BMPER: variants seen among roughly 807,000 people sequenced by gnomAD.
The protein encoded by BMPER is BMP binding endothelial regulator.
In BMPER, 45 loss-of-function variants were observed where a neutral mutation model predicts 87.3. That is an observed-to-expected ratio of 0.52 (90% CI 0.41 to 0.66). The LOEUF (loss-of-function observed/expected upper bound fraction) is 0.66, where lower values mean the gene tolerates loss of function less well. Among genes scored for constraint, BMPER ranks in the 30% least tolerant of loss-of-function variants. BMPER has a pLI of 0.00. For synonymous variants in BMPER, 326 were observed against 316.2 expected (o/e 1.03, Z -0.33); for missense variants, 784 against 867.5 (o/e 0.90, Z 1.21).
chr7:34,128,459 G>T (rs970510693), intron 13 of BMPER, among the ~76,000 whole-genome samples: 4 of 152,136 alleles, frequency 2.6e-5, no homozygotes, highest in African/African-American at 7.2e-5. Flanking sequence ...TGGCACAGTT[G>T]CTTGCCAAGT....
At chr7:33,958,527 C>T (rs1207388868) in intron 3 of BMPER, among the ~76,000 whole-genome samples, 1 of 152,188 alleles carries the variant, frequency 6.6e-6, no homozygotes, top group Non-Finnish European at 1.5e-5. Flanking sequence ...ACCGCTGGAA[C>T]ATCCTTTTAA....
chr7:34,005,883 C>G (rs889711901), intron 6 of BMPER, among the ~76,000 whole-genome samples: 2 of 151,928 alleles, frequency 1.3e-5, no homozygotes, highest in African/African-American at 4.8e-5. Flanking sequence ...GAGGTTAAAT[C>G]TTTCCTTGTG....
At chr7:34,148,604 G>T (rs1791089631) in intron 14 of BMPER, among the ~76,000 whole-genome samples, 1 of 152,156 alleles carries the variant, frequency 6.6e-6, no homozygotes, top group Admixed American at 6.5e-5. Context: ...AAGAGAGAGA[G>T]ATTTCTTTTT....
intron 6 of BMPER, among the ~76,000 whole-genome samples, chr7:34,029,366 T>G (rs1401722883): frequency 3.3e-5 from 5 of 151,936 alleles, no homozygotes; most frequent in Non-Finnish European, 7.4e-5. Flanking sequence ...GAGATGGGAG[T>G]GAAATTCATG....
At chr7:34,022,627 A>AG (rs1369258097) in intron 6 of BMPER, among the ~76,000 whole-genome samples, 4 of 150,678 alleles carry the variant, frequency 2.7e-5, no homozygotes, top group African/African-American at 9.8e-5. Flanking sequence ...GGAATAAGAA[A>AG]GGGCCTGCGA....
intron 4 of BMPER, among the ~76,000 whole-genome samples, chr7:33,969,501 A>G (rs1047499880): frequency 6.6e-6 from 1 of 152,104 alleles, no homozygotes; most frequent in African/African-American, 2.4e-5. Flanking sequence ...CTGGGTTCAC[A>G]CCATTCTCCT....
chr7:34,065,022 T>C (rs956591427), intron 11 of BMPER, among the ~76,000 whole-genome samples: 4 of 152,236 alleles, frequency 2.6e-5, no homozygotes, highest in Non-Finnish European at 4.4e-5. Flanking sequence ...GGGCACATTT[T>C]TTCCTCCTTT....
chr7:34,149,636 G>A (rs207467770), intron 14 of BMPER, among the ~76,000 whole-genome samples: 1 of 143,332 alleles, frequency 7.0e-6, no homozygotes, highest in Non-Finnish European at 1.5e-5. Context: ...AAAGAAACCC[G>A]AGAGAGAGAG....
chr7:34,085,999 A>T lies in BMPER; in HGVS notation c.1652A>T (p.Lys551Met), dbSNP rs1403192060. 1 of 1,614,144 alleles carries T rather than the reference A, an allele frequency of 6.2e-7. No homozygotes were observed. Among genetic ancestry groups the T allele is most frequent in the Non-Finnish European group, 8.5e-7 (1 of 1,180,026 alleles). The change falls in exon 13 of 15, where the codon AAG becomes ATG. Residue 551 changes from lysine (K) to methionine (M), a missense_variant. Physicochemically the swap from Lys to Met is moderately conservative, Grantham distance 95. Transcript: ENST00000649409. Reference protein sequence around the residue: ...PVPELCQGTVKVKLRAHRECQ... With the variant: ...PVPELCQGTVMVKLRAHRECQ... ...CCTGAACTGTGTCAAGGGACAGTCA[A>T]GGTAAAGCTCCGGGCCCATCGAGAA...
At chr7:34,117,963 T>C (rs73690165) in intron 13 of BMPER, among the ~76,000 whole-genome samples, 2,087 of 152,338 alleles carry the variant, frequency 0.014, 45 homozygotes, top group African/African-American at 0.049. Context: ...TTCTTTGTTG[T>C]GGCTTTTCCT....
intron 3 of BMPER, among the ~76,000 whole-genome samples, chr7:33,959,408 G>A (rs967357476): frequency 3.9e-5 from 6 of 152,102 alleles, no homozygotes; most frequent in African/African-American, 9.7e-5. Context: ...CTCTCCTGGT[G>A]TAATATTATT....
chr7:34,042,019 C>A (rs946810670), intron 6 of BMPER, among the ~76,000 whole-genome samples: 1 of 152,080 alleles, frequency 6.6e-6, no homozygotes, highest in African/African-American at 2.4e-5. Flanking sequence ...GGAGAAGCAT[C>A]GTGTATGCAC....
intron 6 of BMPER, 141 bp downstream of exon 6, chr7:33,974,925 G>A (rs1368532759): frequency 2.4e-6 from 2 of 850,856 alleles, no homozygotes; most frequent in Non-Finnish European, 2.0e-6. Context: ...TGGAGCCGAG[G>A]GAAAAGCTCA....
In BMPER at chr7:34,042,953, T is replaced by C. The variant is rs373311131; in HGVS notation, c.577-3353T>C. On this transcript the variant is annotated intron_variant, in intron 6 of 14. Coordinates refer to ENST00000649409, the MANE Select transcript of BMPER (RefSeq NM_001365308.1). ...GAGGAGGTTACTAGGAACTGAAGGCTCTAGAAGACTTCACAGGTGAGAAGG... is the reference window on the plus strand; with the variant it reads ...GAGGAGGTTACTAGGAACTGAAGGCCCTAGAAGACTTCACAGGTGAGAAGG... 8 of 152,296 alleles carry C rather than the reference T, an allele frequency of 5.3e-5. No individual in the cohort carries two copies. In the East Asian group the frequency reaches 1.2e-3, roughly 22 times the overall value. The allele number at this position is 152,296 out of a possible 1,614,324, so 9.4% of individuals were successfully genotyped here.
At chr7:34,011,255 G>T (rs974706398) in intron 6 of BMPER, among the ~76,000 whole-genome samples, 1 of 151,754 alleles carries the variant, frequency 6.6e-6, no homozygotes, top group Non-Finnish European at 1.5e-5. Context: ...TGACTCAGTA[G>T]GTCTGGGGTG....
At chr7:33,907,750 T>G (rs752342353) in intron 2 of BMPER, among the ~76,000 whole-genome samples, 3 of 152,222 alleles carry the variant, frequency 2.0e-5, no homozygotes, top group Non-Finnish European at 4.4e-5. Flanking sequence ...AAAACCTTGT[T>G]GGAAATACAT....
At chr7:33,922,206 T>G (rs1438321219) in intron 2 of BMPER, among the ~76,000 whole-genome samples, 1 of 152,234 alleles carries the variant, frequency 6.6e-6, no homozygotes, top group Non-Finnish European at 1.5e-5. Flanking sequence ...AAACTTATTT[T>G]TTTTGAATTA....
intron 2 of BMPER, among the ~76,000 whole-genome samples, chr7:33,920,189 A>G (rs984832323): frequency 6.6e-5 from 10 of 152,046 alleles, no homozygotes; most frequent in African/African-American, 2.2e-4. Context: ...CAATTTGGCT[A>G]CTTGTCTTCT....
chr7:34,119,499 T>G (rs1241151149), intron 13 of BMPER, among the ~76,000 whole-genome samples: 1 of 152,206 alleles, frequency 6.6e-6, no homozygotes, highest in Non-Finnish European at 1.5e-5. Flanking sequence ...GACCTATGTT[T>G]CCAATTTAAC....
Sources: gnomAD v4.1 joint callset for allele counts (sites outside exome capture counted in the v4.1 genomes callset) on GRCh38, gnomAD v4.1.1 for gene constraint, MANE v1.5 for transcripts, NCBI Gene and HGNC (gene_info 2026-07-23, HGNC 2026-07-21) for gene names.